SEMA3A: variants seen among roughly 807,000 people sequenced by gnomAD.
The protein encoded by SEMA3A is semaphorin-3A.
A neutral mutation model predicts 97.9 loss-of-function variants in SEMA3A; 29 were observed. The ratio of observed to expected loss-of-function variants is 0.30; its 90% confidence interval spans 0.22 to 0.40. The LOEUF (loss-of-function observed/expected upper bound fraction) is 0.40. Ranked by LOEUF, SEMA3A falls within the 10% of genes least tolerant of loss-of-function variation. The probability of loss-of-function intolerance (pLI) is 1.00; values close to 1 mark genes in which losing one functional copy is unlikely to be tolerated. For missense variants in SEMA3A, 763 were observed against 951.3 expected (o/e 0.80, Z 2.60); for synonymous variants, 321 against 323.7 (o/e 0.99, Z 0.09).
At position 84,425,143 on chromosome 7, in the gene SEMA3A, T is replaced by A. The variant is rs1267475002; in HGVS notation, c.-245-53243A>T. Among the ~76,000 whole-genome samples, 97 of 110,722 alleles carry A rather than the reference T, an allele frequency of 8.8e-4. 1 individual carries two copies. The highest frequency in any genetic ancestry group is 7.2e-4 in the Non-Finnish European group (44 of 60,798). The allele number at this position is 110,722 out of a possible 152,430, so 72.6% of individuals were successfully genotyped here. The stretch of plus-strand genomic sequence containing the variant: ...ATAAATTATTTATATATAAATATTA[T>A]ATATATTTATATATTATAAATATTA... On this transcript the variant is annotated intron_variant, in intron 1 of 3. Transcript: ENST00000424555.
At chr7:84,462,230 G>A (rs938551589) in intron 1 of SEMA3A, among the ~76,000 whole-genome samples, 7 of 151,434 alleles carry the variant, frequency 4.6e-5, no homozygotes, top group African/African-American at 1.5e-4. Context: ...AGCATTCTGA[G>A]GAATTAAAAA....
intron 1 of SEMA3A, among the ~76,000 whole-genome samples, chr7:84,162,119 A>G (rs1447656347): frequency 6.6e-6 from 1 of 152,200 alleles, no homozygotes; most frequent in East Asian, 1.9e-4. Flanking sequence ...CCTGTTGAAT[A>G]GGATAAGCAT....
chr7:84,194,426 G>T, intron 1 of SEMA3A, 49 bp downstream of exon 1: 3 of 1,245,356 alleles, frequency 2.4e-6, no homozygotes, highest in Non-Finnish European at 3.5e-6. Context: ...AATTAAGGGG[G>T]GGGGCGGTTA....
intron 3 of SEMA3A, among the ~76,000 whole-genome samples, chr7:84,253,364 CAA>C (rs67378144): frequency 1.5e-5 from 2 of 135,802 alleles, no homozygotes; most frequent in South Asian, 2.3e-4. Context: ...ATGGAGAGTC[CAA>C]AAAAAAAAAA....
At chr7:83,994,550 T>G (rs568763600) in intron 12 of SEMA3A, among the ~76,000 whole-genome samples, 1 of 136,010 alleles carries the variant, frequency 7.4e-6, no homozygotes. Flanking sequence ...GACCCTCAGC[T>G]GCAGGTCTGT....
chr7:84,263,368 C>CA (rs1243867735), intron 3 of SEMA3A, among the ~76,000 whole-genome samples: 1 of 151,874 alleles, frequency 6.6e-6, no homozygotes, highest in Admixed American at 6.6e-5. Flanking sequence ...TGCCTCAGAG[C>CA]AAAAAAATCT....
rs1358255134 is a variant in SEMA3A at position 83,986,666 on chromosome 7, AT to A, written c.1453-1190del. 7.2e-5 allele frequency among the ~76,000 whole-genome samples: 11 copies of A among 152,264 alleles called. No individual in the cohort carries two copies. The East Asian group carries it at 2.1e-3, about 29-fold the overall frequency. Reference sequence around the variant, plus strand: ...ATAAGAAAGAGGCTTAGGTGGAACGATGGATCTTAAAAGACCTCACTGTGTA... The same window carrying A: ...ATAAGAAAGAGGCTTAGGTGGAACGAGGATCTTAAAAGACCTCACTGTGTA... On this transcript the variant is annotated intron_variant, in intron 12 of 16. Transcript: ENST00000265362.
At chr7:84,407,819 G>A (rs1226245192) in intron 1 of SEMA3A, among the ~76,000 whole-genome samples, 2 of 152,152 alleles carry the variant, frequency 1.3e-5, no homozygotes, top group East Asian at 1.9e-4. Context: ...AATAAATGAT[G>A]CTGGGAAAAC....
chr7:84,416,827 G>A (rs963639662), intron 1 of SEMA3A, among the ~76,000 whole-genome samples: 4 of 152,092 alleles, frequency 2.6e-5, no homozygotes, highest in Non-Finnish European at 5.9e-5. Flanking sequence ...ATGATTTACA[G>A]TATTTGGAGA....
chr7:84,068,323 A>G (rs1203190886), intron 4 of SEMA3A, among the ~76,000 whole-genome samples: 1 of 148,686 alleles, frequency 6.7e-6, no homozygotes, highest in Non-Finnish European at 1.5e-5. Flanking sequence ...ACCTAATGCT[A>G]GATGACGAGT....
At chr7:84,055,793 CT>C in intron 5 of SEMA3A, among the ~76,000 whole-genome samples, 1 of 152,262 alleles carries the variant, frequency 6.6e-6, no homozygotes, top group African/African-American at 2.4e-5. Flanking sequence ...TAATAGAAGT[CT>C]TTTTGAAAAT....
At chr7:84,440,054 C>G (rs755212004) in intron 1 of SEMA3A, among the ~76,000 whole-genome samples, 6 of 152,034 alleles carry the variant, frequency 3.9e-5, no homozygotes, top group Non-Finnish European at 7.4e-5. Context: ...AGGAAAGAAA[C>G]AAGTAAGTGA....
At chr7:84,400,727 A>G (rs1349210080) in intron 1 of SEMA3A, among the ~76,000 whole-genome samples, 1 of 152,230 alleles carries the variant, frequency 6.6e-6, no homozygotes, top group Non-Finnish European at 1.5e-5. Context: ...AAGAAATGAC[A>G]ACTGAGATCT....
At chr7:84,195,422 C>T (rs201391529), upstream of SEMA3A, 256 of 147,906 alleles carry the variant, frequency 1.7e-3, no homozygotes, top group Middle Eastern at 0.01. Context: ...TGTATGTGTG[C>T]GTGTGTGTGT....
rs577190580 is a variant in SEMA3A, at chr7:84,330,407, A to G, written c.-168-23115T>C. On this transcript the variant is annotated intron_variant, in intron 2 of 3. Coordinates refer to the SEMA3A transcript ENST00000424555. Reference sequence around the variant, plus strand: ...AATATCAAACTTTGAAACAATTTTAAAAAGTAACAAATTATCATATGCACT... The same window carrying G: ...AATATCAAACTTTGAAACAATTTTAGAAAGTAACAAATTATCATATGCACT... Among the ~76,000 whole-genome samples, 21 of 152,216 alleles carry G rather than the reference A, an allele frequency of 1.4e-4. No homozygotes were observed. The East Asian group carries it at 4.1e-3, about 29-fold the overall frequency.
At chr7:84,473,389 A>ATTATAT (rs1806203216) in intron 1 of SEMA3A, among the ~76,000 whole-genome samples, 1 of 148,300 alleles carries the variant, frequency 6.7e-6, no homozygotes, top group Admixed American at 6.8e-5. Flanking sequence ...TATTATTATT[A>ATTATAT]TAATATTATT....
At chr7:84,458,809 T>A (rs1335734835) in intron 1 of SEMA3A, among the ~76,000 whole-genome samples, 1 of 152,156 alleles carries the variant, frequency 6.6e-6, no homozygotes, top group East Asian at 1.9e-4. Flanking sequence ...TTCTTTGTTT[T>A]GAGAACATTC....
intron 3 of SEMA3A, among the ~76,000 whole-genome samples, chr7:84,276,323 C>G (rs1048548764): frequency 2.6e-5 from 4 of 152,034 alleles, no homozygotes; most frequent in Admixed American, 2.0e-4. Flanking sequence ...ACCCTTATGT[C>G]TCTTTTTCTT....
intron 4 of SEMA3A, among the ~76,000 whole-genome samples, chr7:84,108,945 C>T (rs1157404035): frequency 6.7e-6 from 1 of 150,264 alleles, no homozygotes; most frequent in Non-Finnish European, 1.5e-5. Flanking sequence ...ATTTCTGATT[C>T]CATTGCCAAT....
Sources: gnomAD v4.1 joint callset for allele counts (sites outside exome capture counted in the v4.1 genomes callset) on GRCh38, gnomAD v4.1.1 for gene constraint, MANE v1.5 for transcripts, NCBI Gene and HGNC (gene_info 2026-07-23, HGNC 2026-07-21) for gene names.